Variants in GRM8 observed in about 807,000 individuals in gnomAD.
The protein encoded by GRM8 is glutamate metabotropic receptor 8, also known as metabotropic glutamate receptor 8.
A neutral mutation model predicts 87.2 loss-of-function variants in GRM8; 47 were observed. The ratio of observed to expected loss-of-function variants is 0.54; its 90% CI spans 0.43 to 0.69. The LOEUF (loss-of-function observed/expected upper bound fraction) is 0.69, where lower values mean the gene tolerates loss of function less well. Among genes scored for constraint, GRM8 ranks in the 30% least tolerant of loss-of-function variants. The probability of loss-of-function intolerance (pLI) is 0.00; values close to 1 mark genes in which losing one functional copy is unlikely to be tolerated. For missense variants in GRM8, 1,019 were observed against 1,139.2 expected (o/e 0.89, Z 1.52); for synonymous variants, 396 against 404.5 (o/e 0.98, Z 0.25).
chr7:127,130,406 G>A (rs1238749937), intron 2 of GRM8, among the ~76,000 whole-genome samples: 1 of 152,136 alleles, frequency 6.6e-6, no homozygotes, highest in East Asian at 1.9e-4. Context: ...TTTGTTTAAT[G>A]GTTTTGACAA....
intron 2 of GRM8, among the ~76,000 whole-genome samples, chr7:127,137,435 C>A (rs1828004540): frequency 1.3e-5 from 2 of 152,096 alleles, no homozygotes; most frequent in Non-Finnish European, 2.9e-5. Context: ...AGATCTAACA[C>A]AACACATAGC....
chr7:126,776,534 T>C (rs1263895801), intron 6 of GRM8, among the ~76,000 whole-genome samples: 2 of 152,218 alleles, frequency 1.3e-5, no homozygotes, highest in Non-Finnish European at 2.9e-5. Context: ...GTATAGACTT[T>C]ATATAGATGT....
chr7:126,972,569 A>C (rs1296165577), intron 3 of GRM8, among the ~76,000 whole-genome samples: 1 of 152,136 alleles, frequency 6.6e-6, no homozygotes, highest in Non-Finnish European at 1.5e-5. Flanking sequence ...TTTGTTCAGA[A>C]ACTGTTTATT....
At chr7:127,218,816 G>A (rs879715836) in intron 2 of GRM8, among the ~76,000 whole-genome samples, 3 of 152,212 alleles carry the variant, frequency 2.0e-5, no homozygotes, top group Non-Finnish European at 4.4e-5. Flanking sequence ...GAACTTGAAT[G>A]TTCAAAGGGC....
intron 2 of GRM8, among the ~76,000 whole-genome samples, chr7:127,161,283 A>G (rs1056437550): frequency 6.6e-6 from 1 of 152,182 alleles, no homozygotes; most frequent in African/African-American, 2.4e-5. Flanking sequence ...AAGAGGAGGG[A>G]AACATCAAGA....
At chr7:127,180,319 C>G (rs1036692175) in intron 2 of GRM8, among the ~76,000 whole-genome samples, 2 of 152,008 alleles carry the variant, frequency 1.3e-5, no homozygotes, top group Non-Finnish European at 2.9e-5. Context: ...ATACCCTGAA[C>G]AGACCAATAA....
intron 7 of GRM8, among the ~76,000 whole-genome samples, chr7:126,670,893 G>A (rs1321426386): frequency 6.6e-6 from 1 of 152,088 alleles, no homozygotes; most frequent in East Asian, 1.9e-4. Context: ...TCAAAATTTG[G>A]AGCATGTTTG....
At chr7:126,626,487 A>G (rs549268774) in intron 7 of GRM8, among the ~76,000 whole-genome samples, 120 of 152,196 alleles carry the variant, frequency 7.9e-4, no homozygotes, top group Non-Finnish European at 1.4e-3. Context: ...TTTTTGTTGA[A>G]TAATACCCTA....
At chr7:126,761,064 G>A (rs1356767159) in intron 7 of GRM8, among the ~76,000 whole-genome samples, 3 of 152,080 alleles carry the variant, frequency 2.0e-5, no homozygotes, top group South Asian at 2.1e-4. Flanking sequence ...CCGGCTTGGC[G>A]GCATGCACCT....
At chr7:126,895,120 G>A (rs1014022618) in intron 6 of GRM8, among the ~76,000 whole-genome samples, 4 of 151,546 alleles carry the variant, frequency 2.6e-5, no homozygotes, top group South Asian at 2.1e-4. Context: ...AGAAAAACAC[G>A]CACACACACA....
At chr7:126,826,537 C>T (rs1794818818) in intron 6 of GRM8, among the ~76,000 whole-genome samples, 1 of 152,164 alleles carries the variant, frequency 6.6e-6, no homozygotes, top group South Asian at 2.1e-4. Flanking sequence ...AGTGTCTGTT[C>T]ATGTCCTTCG....
chr7:127,037,321 G>T (rs1220923092), intron 3 of GRM8, among the ~76,000 whole-genome samples: 1 of 152,062 alleles, frequency 6.6e-6, no homozygotes, highest in East Asian at 1.9e-4. Context: ...CAAGGCTTCT[G>T]GTATCCCCAA....
intron 7 of GRM8, among the ~76,000 whole-genome samples, chr7:126,759,366 G>A (rs1242278587): frequency 1.3e-5 from 2 of 150,980 alleles, no homozygotes; most frequent in African/African-American, 2.4e-5. Flanking sequence ...AATAACATGG[G>A]CGCAATTCCA....
intron 7 of GRM8, among the ~76,000 whole-genome samples, chr7:126,668,187 T>A (rs1805995242): frequency 1.3e-5 from 2 of 152,102 alleles, no homozygotes; most frequent in Admixed American, 6.5e-5. Context: ...GAGTCCCTGT[T>A]TACCCCCCTT....
chr7:126,815,297 T>C (rs1271251146), intron 6 of GRM8, among the ~76,000 whole-genome samples: 1 of 152,086 alleles, frequency 6.6e-6, no homozygotes, highest in Non-Finnish European at 1.5e-5. Context: ...CAAATACAAG[T>C]TCCAAAATGA....
intron 2 of GRM8, among the ~76,000 whole-genome samples, chr7:127,137,916 A>G (rs539288467): frequency 4.6e-5 from 7 of 152,336 alleles, no homozygotes; most frequent in Admixed American, 2.0e-4. Flanking sequence ...GAAAGTTTCA[A>G]TTTAGAGTTT....
intron 6 of GRM8, among the ~76,000 whole-genome samples, chr7:126,796,722 C>A (rs1421094745): frequency 6.6e-6 from 1 of 152,060 alleles, no homozygotes; most frequent in African/African-American, 2.4e-5. Flanking sequence ...GACATAGACT[C>A]CTCTGGCTAA....
At chr7:127,039,177 A>C (rs1399662877) in intron 3 of GRM8, among the ~76,000 whole-genome samples, 4 of 152,212 alleles carry the variant, frequency 2.6e-5, no homozygotes, top group African/African-American at 9.6e-5. Context: ...TGAAGTTCCA[A>C]CCTCCAGTAG....
chr7:127,200,529 C>T (rs1040986099), intron 2 of GRM8, among the ~76,000 whole-genome samples: 6 of 152,286 alleles, frequency 3.9e-5, no homozygotes, highest in African/African-American at 4.8e-5. Context: ...TGGCCTAAAG[C>T]AACAGCAATT....
Sources: allele counts gnomAD v4.1 joint callset (sites outside exome capture counted in the v4.1 genomes callset), GRCh38; gene constraint gnomAD v4.1.1; transcripts MANE v1.5; gene names NCBI Gene and HGNC (gene_info 2026-07-23, HGNC 2026-07-21).